NCAPG2: variants seen among roughly 807,000 people sequenced by gnomAD.
NCAPG2 encodes non-SMC condensin II complex subunit G2, also known as condensin-2 complex subunit G2.
A neutral mutation model predicts 141.1 loss-of-function variants in NCAPG2; 53 were observed. The ratio of observed to expected loss-of-function variants is 0.38; its 90% CI spans 0.30 to 0.47. NCAPG2 has a LOEUF of 0.47. NCAPG2 is among the 20% of genes least tolerant of loss of function. The pLI is 0.99. For synonymous variants in NCAPG2, 499 were observed against 490.7 expected (o/e 1.02, Z -0.22); for missense variants, 1,087 against 1,389.0 (o/e 0.78, Z 3.46).
At chr7:158,701,685 G>C in intron 2 of NCAPG2, 137 bp downstream of exon 2, 2 of 794,024 alleles carry the variant, frequency 2.5e-6, no homozygotes, top group South Asian at 3.3e-5. Context: ...AAAGGGTTTT[G>C]TTTTCTTCTT....
At chr7:158,660,306 C>T (rs1368942804) in intron 16 of NCAPG2, among the ~76,000 whole-genome samples, 1 of 151,904 alleles carries the variant, frequency 6.6e-6, no homozygotes, top group Non-Finnish European at 1.5e-5. Context: ...GCCACAACTG[C>T]CCTGTCCGCC....
intron 13 of NCAPG2, chr7:158,665,079 G>C (rs576677606): frequency 1.9e-5 from 4 of 205,426 alleles, no homozygotes; most frequent in African/African-American, 9.4e-5. Context: ...ATTTCTTAAA[G>C]TACCTTAACT....
intron 17 of NCAPG2, among the ~76,000 whole-genome samples, 189 bp downstream of exon 17, chr7:158,658,149 T>TA (rs11444440): frequency 0.36 from 35,248 of 97,404 alleles, 4,633 homozygotes; most frequent in East Asian, 0.5. Flanking sequence ...GAATGATCAA[T>TA]AAAAAAAAAA....
chr7:158,668,236 T>TCCGCCCGCCTTACCCACAA (rs1391643269), intron 13 of NCAPG2: 1 of 99,100 alleles, frequency 1.0e-5, no homozygotes, highest in African/African-American at 3.5e-4. Flanking sequence ...ACTGGGTCCC[T>TCCGCCCGCCTTACCCACAA]CTGCCCTCCT....
intron 26 of NCAPG2, 30 bp from the exon 27 acceptor site, chr7:158,644,418 G>C: frequency 6.4e-7 from 1 of 1,554,944 alleles, no homozygotes; most frequent in Non-Finnish European, 8.9e-7. Context: ...AGACAGAAAA[G>C]ACTTTAACAT....
chr7:158,655,516 C>A (rs921092319), intron 19 of NCAPG2, 61 bp from the exon 20 acceptor site: 7 of 1,361,310 alleles, frequency 5.1e-6, no homozygotes, highest in Non-Finnish European at 7.3e-6. Context: ...ACACCCCGTA[C>A]AGCAAGAACA....
chr7:158,664,273 G>A lies in NCAPG2; in HGVS notation c.1726C>T (p.His576Tyr). The A allele has an allele frequency of 6.2e-7, 1 of 1,613,562 alleles. No homozygotes were observed. The highest frequency in any genetic ancestry group is 8.5e-7 in the Non-Finnish European group (1 of 1,179,506). Residue 576 changes from histidine to tyrosine, a missense_variant, in exon 15 of 28, where the codon CAT becomes TAT. Coordinates refer to ENST00000356309, the MANE Select transcript of NCAPG2 (RefSeq NM_017760.7). ...NIAKLIHVIR[H>Y]CLNACIQRAV... is the part of the protein sequence containing the mutation. ...CTCTGGATACAGGCATTTAAGCAAT[G>A]ACGAATAACGTGAATCAGCTTTGCT...
chr7:158,683,428 G>A (rs778764304), intron 8 of NCAPG2, 42 bp from the exon 9 acceptor site: 2 of 1,453,966 alleles, frequency 1.4e-6, no homozygotes, highest in Admixed American at 4.0e-5. Flanking sequence ...GTGTGTGTGT[G>A]TCCTACTGAC....
intron 12 of NCAPG2, among the ~76,000 whole-genome samples, chr7:158,672,657 C>T (rs1833817318): frequency 6.6e-6 from 1 of 151,956 alleles, no homozygotes; most frequent in South Asian, 2.1e-4. Flanking sequence ...ATTTTAATGA[C>T]GATAATTTTT....
chr7:158,670,101 CAT>C (rs1216309564), intron 13 of NCAPG2, among the ~76,000 whole-genome samples: 2 of 152,210 alleles, frequency 1.3e-5, no homozygotes, highest in African/African-American at 4.8e-5. Flanking sequence ...GGACCACACA[CAT>C]GGTCAATGAT....
chr7:158,662,560 C>T (rs1328020454), intron 15 of NCAPG2, among the ~76,000 whole-genome samples, 193 bp from the exon 16 acceptor site: 4 of 152,184 alleles, frequency 2.6e-5, no homozygotes, highest in Non-Finnish European at 2.9e-5. Context: ...ATATAAATTC[C>T]AAACTGACTC....
At chr7:158,671,897 G>T (rs1439485502) in intron 12 of NCAPG2, among the ~76,000 whole-genome samples, 1 of 152,116 alleles carries the variant, frequency 6.6e-6, no homozygotes, top group African/African-American at 2.4e-5. Context: ...CCATTGTTTT[G>T]TTCAAATAAG....
intron 17 of NCAPG2, among the ~76,000 whole-genome samples, chr7:158,657,879 G>C (rs1832121107): frequency 6.6e-6 from 1 of 152,012 alleles, no homozygotes; most frequent in Non-Finnish European, 1.5e-5. Flanking sequence ...TCTGAAACAT[G>C]TGCTGTGTCC....
At chr7:158,662,762 G>T (rs1832616855) in intron 15 of NCAPG2, among the ~76,000 whole-genome samples, 1 of 152,104 alleles carries the variant, frequency 6.6e-6, no homozygotes, top group Non-Finnish European at 1.5e-5. Flanking sequence ...AATGGTGAAG[G>T]CTGCTTTCCT....
chr7:158,653,406 A>G (rs1439288940), intron 22 of NCAPG2, among the ~76,000 whole-genome samples: 2 of 151,408 alleles, frequency 1.3e-5, no homozygotes, highest in Non-Finnish European at 2.9e-5. Flanking sequence ...TAATAATTAA[A>G]CAAAAAAGCT....
chr7:158,649,871 T>C, intron 24 of NCAPG2, among the ~76,000 whole-genome samples: 1 of 152,200 alleles, frequency 6.6e-6, no homozygotes. Context: ...ACCCTGAATA[T>C]TCCATGTGGG....
chr7:158,631,487 A>C lies in NCAPG2; in HGVS notation c.*179T>G, dbSNP rs1005171646. On this transcript the variant is annotated 3_prime_UTR_variant, in exon 28 of 28. Coordinates refer to ENST00000356309, the MANE Select transcript of NCAPG2 (RefSeq NM_017760.7). ...TATTATTTACGCAGGCACTAGGCAAAATTGAAGAAGTTTTGAGTTATCTCC... is the reference window on the plus strand; with the variant it reads ...TATTATTTACGCAGGCACTAGGCAACATTGAAGAAGTTTTGAGTTATCTCC... 7.5e-6 allele frequency: 5 copies of C among 663,716 alleles called. No individual in the cohort carries two copies. Among genetic ancestry groups the C allele is most frequent in the African/African-American group, 3.7e-5 (2 of 54,604 alleles). The allele number at this position is 663,716 out of a possible 1,614,324, so 41.1% of individuals were successfully genotyped here. A position where few individuals can be genotyped will look rare whatever the true frequency, so the allele number is the denominator to read the frequency against.
At chr7:158,689,134 G>A (rs1213937327) in intron 6 of NCAPG2, among the ~76,000 whole-genome samples, 1 of 152,002 alleles carries the variant, frequency 6.6e-6, no homozygotes, top group Non-Finnish European at 1.5e-5. Flanking sequence ...TTCTTTAGTA[G>A]TCATGTTAAC....
intron 27 of NCAPG2, among the ~76,000 whole-genome samples, chr7:158,638,465 CCT>C (rs1216967347): frequency 6.6e-6 from 1 of 152,032 alleles, no homozygotes; most frequent in East Asian, 1.9e-4. Flanking sequence ...GTCTTGAACC[CCT>C]GAGCTCAAGC....
Sources: gnomAD v4.1 joint callset for allele counts (sites outside exome capture counted in the v4.1 genomes callset) on GRCh38, gnomAD v4.1.1 for gene constraint, MANE v1.5 for transcripts, NCBI Gene and HGNC (gene_info 2026-07-23, HGNC 2026-07-21) for gene names.